The following PPFIBP2 variants were observed in gnomAD, a reference collection of about 807,000 sequenced individuals.
The protein encoded by PPFIBP2 is PPFIB scaffold protein 2.
Under a neutral mutation model 118.3 loss-of-function variants are expected in PPFIBP2, and 118 were observed. The ratio of observed to expected loss-of-function variants is 1.00; its 90% confidence interval spans 0.86 to 1.16. The LOEUF is 1.16. Ranked by LOEUF, PPFIBP2 falls within the 50% of genes most tolerant of loss-of-function variation. The probability of loss-of-function intolerance (pLI) is 0.00; values close to 1 mark genes in which losing one functional copy is unlikely to be tolerated. For synonymous variants in PPFIBP2, 414 were observed against 397.4 expected (o/e 1.04, Z -0.50); for missense variants, 1,195 against 1,073.1 (o/e 1.11, Z -1.59).
At chr11:7,614,823 A>C (rs2135534795) in intron 6 of PPFIBP2, among the ~76,000 whole-genome samples, 1 of 152,376 alleles carries the variant, frequency 6.6e-6, no homozygotes, top group East Asian at 1.9e-4. Flanking sequence ...CAGTAGTTTC[A>C]CATAGAAAAG....
At chr11:7,530,382 G>A (rs1026699526) in intron 1 of PPFIBP2, among the ~76,000 whole-genome samples, 1 of 152,244 alleles carries the variant, frequency 6.6e-6, no homozygotes, top group African/African-American at 2.4e-5. Context: ...GAATGTTTAT[G>A]TCTCCTAAAA....
chr11:7,630,917 G>C lies in PPFIBP2; in HGVS notation c.965-8G>C. On this transcript the variant is annotated splice_polypyrimidine_tract_variant and splice_region_variant and intron_variant, in intron 10 of 23. Coordinates refer to ENST00000299492, the MANE Select transcript of PPFIBP2 (RefSeq NM_003621.5). ...AACAATTCAGTCTTACTACCTTAAT[G>C]CTTGCAGGGCCTTCGGAGAGAACTC... is the stretch of plus-strand genomic sequence containing the variant. 1 of 1,609,186 alleles carries C rather than the reference G, an allele frequency of 6.2e-7. No individual in the cohort carries two copies. The highest frequency in any genetic ancestry group is 8.5e-7 in the Non-Finnish European group (1 of 1,175,528).
chr11:7,552,994 T>G (rs1250509882), intron 2 of PPFIBP2, among the ~76,000 whole-genome samples: 3 of 152,346 alleles, frequency 2.0e-5, no homozygotes, highest in South Asian at 2.1e-4. Context: ...GCTCTGCCAC[T>G]GTATCTCCAG....
chr11:7,519,858 C>T (rs969571607), intron 1 of PPFIBP2, among the ~76,000 whole-genome samples: 5 of 152,108 alleles, frequency 3.3e-5, no homozygotes, highest in African/African-American at 1.2e-4. Context: ...CCAGAGAAAC[C>T]AAAAGAGGCC....
intron 4 of PPFIBP2, among the ~76,000 whole-genome samples, chr11:7,596,893 T>A (rs1302241133): frequency 6.6e-6 from 1 of 152,220 alleles, no homozygotes; most frequent in African/African-American, 2.4e-5. Flanking sequence ...TTTTACTAAT[T>A]AATATTTTTA....
At chr11:7,570,737 G>T (rs1282004203) in intron 3 of PPFIBP2, among the ~76,000 whole-genome samples, 1 of 152,194 alleles carries the variant, frequency 6.6e-6, no homozygotes, top group Non-Finnish European at 1.5e-5. Context: ...TTGAACCAGG[G>T]TGAGGGAGTA....
At chr11:7,556,716 T>A (rs1476408248) in intron 2 of PPFIBP2, among the ~76,000 whole-genome samples, 1 of 152,246 alleles carries the variant, frequency 6.6e-6, no homozygotes, top group Non-Finnish European at 1.5e-5. Context: ...TTGAAAAATG[T>A]CCTTAAATGT....
At chr11:7,555,249 T>C (rs1853469994) in intron 2 of PPFIBP2, among the ~76,000 whole-genome samples, 1 of 152,142 alleles carries the variant, frequency 6.6e-6, no homozygotes, top group Non-Finnish European at 1.5e-5. Context: ...AGGTTACTCA[T>C]GCAGTTATGT....
chr11:7,533,638 A>G (rs988973596), intron 1 of PPFIBP2, among the ~76,000 whole-genome samples: 1 of 152,204 alleles, frequency 6.6e-6, no homozygotes, highest in African/African-American at 2.4e-5. Context: ...GATGAGGGGT[A>G]ATGGTGTTAG....
At chr11:7,537,862 A>G (rs1478152361) in intron 1 of PPFIBP2, among the ~76,000 whole-genome samples, 2 of 151,942 alleles carry the variant, frequency 1.3e-5, no homozygotes, top group Non-Finnish European at 1.5e-5. Flanking sequence ...GAGTACCTGC[A>G]CTGTTTGACC....
At chr11:7,541,655 A>G (rs898955613) in intron 1 of PPFIBP2, among the ~76,000 whole-genome samples, 44 of 152,146 alleles carry the variant, frequency 2.9e-4, no homozygotes, top group African/African-American at 1.1e-3. Context: ...GCTTAAATAC[A>G]TCTTTATGAA....
At chr11:7,575,010 C>A (rs1856111554) in intron 3 of PPFIBP2, among the ~76,000 whole-genome samples, 1 of 152,086 alleles carries the variant, frequency 6.6e-6, no homozygotes, top group African/African-American at 2.4e-5. Flanking sequence ...CCCTACCCTG[C>A]ACCCCCCACC....
At chr11:7,605,955 C>T in intron 5 of PPFIBP2, 1 of 1,533,638 alleles carries the variant, frequency 6.5e-7, no homozygotes, top group South Asian at 1.2e-5. Flanking sequence ...AGAGTGGATA[C>T]TGAATGGGAA....
At chr11:7,598,370 G>C (rs1289855292) in intron 5 of PPFIBP2, 1 of 165,566 alleles carries the variant, frequency 6.0e-6, no homozygotes, top group African/African-American at 2.4e-5. Context: ...TATCAGAATT[G>C]ACTTAACTTT....
chr11:7,552,844 A>G (rs1303115999), intron 2 of PPFIBP2, among the ~76,000 whole-genome samples: 1 of 152,024 alleles, frequency 6.6e-6, no homozygotes, highest in Non-Finnish European at 1.5e-5. Context: ...TGTGTCTATC[A>G]TGCATTCCCA....
intron 1 of PPFIBP2, among the ~76,000 whole-genome samples, chr11:7,537,501 C>A (rs1851331652): frequency 6.6e-6 from 1 of 152,196 alleles, no homozygotes; most frequent in South Asian, 2.1e-4. Context: ...GCAGCCAAAT[C>A]TTAGAACGTG....
chr11:7,565,805 A>G, intron 3 of PPFIBP2, 38 bp downstream of exon 3: 1 of 1,602,494 alleles, frequency 6.2e-7, no homozygotes, highest in Non-Finnish European at 8.5e-7. Flanking sequence ...ACCACTGGGG[A>G]ATGTAATGGT....
intron 1 of PPFIBP2, among the ~76,000 whole-genome samples, chr11:7,518,870 G>T (rs373272611): frequency 1.3e-5 from 2 of 152,244 alleles, no homozygotes; most frequent in Non-Finnish European, 2.9e-5. Flanking sequence ...GCGCTCGAGC[G>T]AGTATGGGCG....
intron 2 of PPFIBP2, among the ~76,000 whole-genome samples, chr11:7,560,614 A>G (rs1401167107): frequency 1.3e-5 from 2 of 152,156 alleles, no homozygotes; most frequent in African/African-American, 4.8e-5. Context: ...TTATATATTA[A>G]TCTTTGACTA....
Sources: allele counts gnomAD v4.1 joint callset (sites outside exome capture counted in the v4.1 genomes callset), GRCh38; gene constraint gnomAD v4.1.1; transcripts MANE v1.5; gene names NCBI Gene and HGNC (gene_info 2026-07-23, HGNC 2026-07-21).